TUSC3: variants seen among roughly 807,000 people sequenced by gnomAD.
TUSC3 encodes the protein tumor suppressor candidate 3.
In TUSC3, 45 loss-of-function variants were observed where a neutral mutation model predicts 44.8. The ratio of observed to expected loss-of-function variants is 1.00; its 90% CI spans 0.79 to 1.29. TUSC3 has a LOEUF of 1.29. Among genes scored for constraint, TUSC3 ranks in the 50% most tolerant of loss-of-function variants. The pLI is 0.00. For missense variants in TUSC3, 519 were observed against 437.9 expected (o/e 1.19, Z -1.65); for synonymous variants, 212 against 152.9 (o/e 1.39, Z -2.85).
chr8:15,690,050 A>T (rs1478457201), intron 6 of TUSC3, among the ~76,000 whole-genome samples: 2 of 152,100 alleles, frequency 1.3e-5, no homozygotes, highest in South Asian at 4.1e-4. Context: ...GGCTGGGTCA[A>T]ATGGTAATTA....
intron 2 of TUSC3, among the ~76,000 whole-genome samples, chr8:15,493,239 C>G (rs1051544891): frequency 6.6e-6 from 1 of 152,104 alleles, no homozygotes; most frequent in Non-Finnish European, 1.5e-5. Context: ...TTGTATGAGT[C>G]CAACTTTCAG....
chr8:15,420,669 T>G (rs1039476657), intron 1 of TUSC3, among the ~76,000 whole-genome samples: 3 of 152,122 alleles, frequency 2.0e-5, no homozygotes, highest in Admixed American at 6.6e-5. Context: ...CAAACCATCT[T>G]TAATCATGAT....
At chr8:15,737,774 C>G (rs1000693232) in intron 7 of TUSC3, among the ~76,000 whole-genome samples, 1 of 152,114 alleles carries the variant, frequency 6.6e-6, no homozygotes, top group Non-Finnish European at 1.5e-5. Flanking sequence ...GAGGGTCTTT[C>G]ATTAATCATT....
In TUSC3 at chr8:15,577,790, G is replaced by C. The variant is rs371794309; in HGVS notation, c.138+37222G>C. The stretch of plus-strand genomic sequence containing the variant: ...TCTTTTGGCTTAGGATTGACTTGGC[G>C]ATGCGGGCTCTTTTTTGGTTCCATA... On this transcript the variant is annotated intron_variant, in intron 1 of 10. Transcript: ENST00000503731. Among the ~76,000 whole-genome samples, 3 of 145,202 alleles carry C rather than the reference G, an allele frequency of 2.1e-5. No individual in the cohort carries two copies. The East Asian group carries it at 6.1e-4, about 29-fold the overall frequency.
intron 2 of TUSC3, among the ~76,000 whole-genome samples, chr8:15,515,578 A>G (rs949490673): frequency 3.9e-5 from 6 of 152,198 alleles, no homozygotes; most frequent in Non-Finnish European, 5.9e-5. Context: ...AGCCTAGAGC[A>G]AAATATCATT....
chr8:15,695,902 C>T (rs1020052994), intron 6 of TUSC3, among the ~76,000 whole-genome samples: 8 of 152,240 alleles, frequency 5.3e-5, no homozygotes, highest in African/African-American at 1.9e-4. Flanking sequence ...AGCAGCAAAG[C>T]ATTCAAGAAG....
chr8:15,438,579 A>G (rs1799980778), intron 1 of TUSC3, among the ~76,000 whole-genome samples: 1 of 152,170 alleles, frequency 6.6e-6, no homozygotes, highest in Non-Finnish European at 1.5e-5. Context: ...ATCTACTAAT[A>G]CTATTCATGG....
chr8:15,474,701 TA>T (rs1269755049), intron 1 of TUSC3, among the ~76,000 whole-genome samples: 1 of 152,136 alleles, frequency 6.6e-6, no homozygotes, highest in Non-Finnish European at 1.5e-5. Flanking sequence ...TGTTTTCTCT[TA>T]AAAAAACTTA....
intron 4 of TUSC3, among the ~76,000 whole-genome samples, chr8:15,661,802 CTA>C (rs3070914): frequency 0.81 from 120,842 of 150,018 alleles, 48,829 homozygotes; most frequent in Non-Finnish European, 0.84. Flanking sequence ...GCTAGTTTGT[CTA>C]TATATATATA....
chr8:15,511,601 A>T (rs1801136207), intron 2 of TUSC3, among the ~76,000 whole-genome samples: 1 of 152,154 alleles, frequency 6.6e-6, no homozygotes, highest in Non-Finnish European at 1.5e-5. Flanking sequence ...TGGGTGCAGT[A>T]GCTCACGCCT....
chr8:15,797,001 A>T, the TUSC3 span, among the ~76,000 whole-genome samples: 1 of 152,190 alleles, frequency 6.6e-6, no homozygotes, highest in Non-Finnish European at 1.5e-5. Flanking sequence ...GTCTGCATTC[A>T]CCGTTCCCAT....
intron 1 of TUSC3, among the ~76,000 whole-genome samples, chr8:15,561,222 A>C (rs1802446673): frequency 7.1e-6 from 1 of 140,916 alleles, no homozygotes; most frequent in Non-Finnish European, 1.6e-5. Flanking sequence ...TCCTTCTAAC[A>C]GACAGGACCC....
chr8:15,643,785 G>T (rs1021672249), intron 2 of TUSC3, among the ~76,000 whole-genome samples: 1 of 152,164 alleles, frequency 6.6e-6, no homozygotes, highest in African/African-American at 2.4e-5. Flanking sequence ...GAGCAACTGT[G>T]TTAGAAGTCT....
At chr8:15,708,702 A>G (rs1809716707) in intron 6 of TUSC3, among the ~76,000 whole-genome samples, 2 of 151,972 alleles carry the variant, frequency 1.3e-5, no homozygotes, top group Non-Finnish European at 2.9e-5. Context: ...CGTTTATTTA[A>G]TAATGCTTTC....
chr8:15,535,168 A>G (rs565113336), intron 2 of TUSC3, among the ~76,000 whole-genome samples: 1 of 152,366 alleles, frequency 6.6e-6, no homozygotes, highest in African/African-American at 2.4e-5. Flanking sequence ...AGAATGATAT[A>G]TAGCAGGTTA....
intron 5 of TUSC3, among the ~76,000 whole-genome samples, chr8:15,664,158 CA>C (rs1807550201): frequency 6.6e-6 from 1 of 151,618 alleles, no homozygotes; most frequent in Non-Finnish European, 1.5e-5. Context: ...AACAAGGAAA[CA>C]AAGATTCAGT....
chr8:15,466,108 G>C (rs891229078), intron 1 of TUSC3, among the ~76,000 whole-genome samples: 7 of 152,122 alleles, frequency 4.6e-5, no homozygotes, highest in Admixed American at 3.3e-4. Flanking sequence ...GATTGTGCTA[G>C]ATTATTTTTA....
At position 15,764,880 on chromosome 8, in the gene TUSC3, G is replaced by A. The variant is rs963434866; in HGVS notation, c.*724G>A. ...TAGGAGTTATTTCTCAAACTTAAAT[G>A]TCCTCTGGGAATCCAGACTTAAAAA... On this transcript the variant is annotated 3_prime_UTR_variant, in exon 11 of 11. Coordinates refer to ENST00000503731, the MANE Select transcript of TUSC3 (RefSeq NM_006765.4). The A allele has an allele frequency of 2.6e-5, 4 of 151,976 alleles. No individual in the cohort carries two copies. The highest frequency in any genetic ancestry group is 9.7e-5 in the African/African-American group (4 of 41,396). 9.4% of individuals were successfully genotyped at this position (151,976 alleles called of 1,614,324 possible). A position where few individuals can be genotyped will look rare whatever the true frequency, so the allele number is the denominator to read the frequency against.
At chr8:15,653,049 C>G (rs548384101) in intron 3 of TUSC3, among the ~76,000 whole-genome samples, 2 of 152,316 alleles carry the variant, frequency 1.3e-5, no homozygotes, top group East Asian at 3.9e-4. Flanking sequence ...CTTGGTATGT[C>G]TTTTTAAAAA....
Sources: allele counts gnomAD v4.1 joint callset (sites outside exome capture counted in the v4.1 genomes callset), GRCh38; gene constraint gnomAD v4.1.1; transcripts MANE v1.5; gene names NCBI Gene and HGNC (gene_info 2026-07-23, HGNC 2026-07-21).